Variants in TRIM5 observed in about 807,000 individuals in gnomAD.
The protein encoded by TRIM5 is tripartite motif containing 5, also known as tripartite motif-containing protein 5.
Under a neutral mutation model 35.6 loss-of-function variants are expected in TRIM5, and 31 were observed. The observed-to-expected ratio is 0.87, with a 90% CI of 0.65 to 1.18. The LOEUF is 1.18. TRIM5 is among the 50% of genes most tolerant of loss of function. The pLI is 0.00. For synonymous variants in TRIM5, 243 were observed against 215.6 expected (o/e 1.13, Z -1.11); for missense variants, 609 against 591.6 (o/e 1.03, Z -0.31).
At chr11:5,657,554 CATTTATATATATT>C in the TRIM5 span, among the ~76,000 whole-genome samples, 1 of 119,962 alleles carries the variant, frequency 8.3e-6, no homozygotes, top group East Asian at 2.2e-4. Flanking sequence ...ATATATAATG[CATTTATATATATT>C]ATTTATATAT....
the TRIM5 span, among the ~76,000 whole-genome samples, chr11:5,607,433 G>T: frequency 2.6e-5 from 4 of 152,276 alleles, no homozygotes; most frequent in African/African-American, 9.6e-5. Context: ...TCTATGAAAT[G>T]CCACCATAAA....
the TRIM5 span, among the ~76,000 whole-genome samples, chr11:5,654,312 A>C: frequency 6.6e-6 from 1 of 152,184 alleles, no homozygotes; most frequent in Non-Finnish European, 1.5e-5. Context: ...ATAGAAAAAT[A>C]CTTTTTGCTT....
At chr11:5,625,373 C>G in the TRIM5 span, among the ~76,000 whole-genome samples, 1 of 152,152 alleles carries the variant, frequency 6.6e-6, no homozygotes, top group Non-Finnish European at 1.5e-5. Flanking sequence ...GCAAAGGAAA[C>G]AATTCTCTCT....
the TRIM5 span, among the ~76,000 whole-genome samples, chr11:5,607,067 G>GCA: frequency 5.3e-5 from 8 of 152,208 alleles, no homozygotes; most frequent in South Asian, 6.2e-4. Flanking sequence ...AGCCGGGCGT[G>GCA]GTGGCGGGCG....
intron 4 of TRIM5, among the ~76,000 whole-genome samples, chr11:5,677,292 A>G (rs1852062185): frequency 6.6e-6 from 1 of 152,202 alleles, no homozygotes; most frequent in Non-Finnish European, 1.5e-5. Flanking sequence ...AAGTGGGCGA[A>G]GGACATGAAC....
At chr11:5,654,471 G>A in the TRIM5 span, among the ~76,000 whole-genome samples, 1 of 152,136 alleles carries the variant, frequency 6.6e-6, no homozygotes, top group African/African-American at 2.4e-5. Flanking sequence ...GTTGTTAGTG[G>A]AGGCTATGGT....
the TRIM5 span, among the ~76,000 whole-genome samples, chr11:5,622,479 G>A: frequency 1.4e-5 from 2 of 139,926 alleles, no homozygotes; most frequent in African/African-American, 5.2e-5. Flanking sequence ...AAAATTAGCT[G>A]GACGTGGTGG....
the TRIM5 span, among the ~76,000 whole-genome samples, chr11:5,622,559 G>A: frequency 1.3e-5 from 2 of 151,540 alleles, no homozygotes; most frequent in East Asian, 1.9e-4. Flanking sequence ...CGGAGGTTGC[G>A]GTGAGCCAAG....
At chr11:5,675,185 C>T (rs1000227735) in intron 4 of TRIM5, among the ~76,000 whole-genome samples, 10 of 149,316 alleles carry the variant, frequency 6.7e-5, no homozygotes, top group Non-Finnish European at 8.9e-5. Context: ...CCCGCCACCA[C>T]GCCTGGCTAA....
intron 7 of TRIM5, 37 bp downstream of exon 7, chr11:5,665,619 C>T: frequency 6.3e-7 from 1 of 1,578,854 alleles, no homozygotes; most frequent in South Asian, 1.2e-5. Context: ...TAATGATAAG[C>T]CGCAGGGTGG....
chr11:5,649,511 T>C, the TRIM5 span, among the ~76,000 whole-genome samples: 1 of 152,194 alleles, frequency 6.6e-6, no homozygotes, highest in Non-Finnish European at 1.5e-5. Flanking sequence ...TTGTTCTAAG[T>C]GTCCTTGATA....
chr11:5,671,313 A>AC (rs1554932368), intron 4 of TRIM5, among the ~76,000 whole-genome samples: 7,328 of 144,132 alleles, frequency 0.051, 475 homozygotes, highest in African/African-American at 0.16. Context: ...TTAAAAAAAA[A>AC]ACACAAAAAA....
the TRIM5 span, chr11:5,641,209 AGT>A: frequency 3.1e-6 from 5 of 1,613,756 alleles, no homozygotes; most frequent in Non-Finnish European, 4.2e-6. Flanking sequence ...GGTGGCCAGG[AGT>A]GGTGCTTGTG....
chr11:5,592,921 AAAAAAAAAAG>A, the TRIM5 span, among the ~76,000 whole-genome samples: 2 of 129,512 alleles, frequency 1.5e-5, no homozygotes, highest in East Asian at 2.2e-4. Context: ...TCTCAAAAAA[AAAAAAAAAAG>A]AAAAAAGAAA....
At chr11:5,605,307 G>T in the TRIM5 span, 1 of 1,613,346 alleles carries the variant, frequency 6.2e-7, no homozygotes, top group East Asian at 2.2e-5. Flanking sequence ...TGACCGACTA[G>T]CAGCCTCTTT....
the TRIM5 span, among the ~76,000 whole-genome samples, chr11:5,636,247 A>G: frequency 6.6e-6 from 1 of 152,222 alleles, no homozygotes; most frequent in African/African-American, 2.4e-5. Flanking sequence ...CCTTGAAAAC[A>G]TTATAATTGA....
chr11:5,668,901 C>T (rs536441425), intron 4 of TRIM5, among the ~76,000 whole-genome samples: 1 of 152,258 alleles, frequency 6.6e-6, no homozygotes, highest in South Asian at 2.1e-4. Context: ...TTAATACATT[C>T]AGTAGTGAAG....
At chr11:5,655,636 G>A in the TRIM5 span, 2 of 985,224 alleles carry the variant, frequency 2.0e-6, no homozygotes, top group Non-Finnish European at 2.4e-6. Flanking sequence ...ATGCTCCTCA[G>A]CGTCAGTAAG....
chr11:5,639,366 AGC>A, the TRIM5 span, among the ~76,000 whole-genome samples: 8 of 152,186 alleles, frequency 5.3e-5, no homozygotes, highest in Non-Finnish European at 8.8e-5. Context: ...GACAAAAAAC[AGC>A]ACCTATGTGT....
Sources: gnomAD v4.1 joint callset for allele counts (sites outside exome capture counted in the v4.1 genomes callset) on GRCh38, gnomAD v4.1.1 for gene constraint, MANE v1.5 for transcripts, NCBI Gene and HGNC (gene_info 2026-07-23, HGNC 2026-07-21) for gene names.